The following CD86 variants were observed in gnomAD, a reference collection of about 807,000 sequenced individuals.
CD86 encodes the protein T-lymphocyte activation antigen CD86.
CD86 carries 11 observed loss-of-function variants against 32.1 expected under a neutral mutation model. The observed-to-expected ratio is 0.34, with a 90% CI of 0.22 to 0.57. The LOEUF is 0.57. Ranked by LOEUF, CD86 falls within the 20% of genes least tolerant of loss-of-function variation. The pLI is 0.86. For missense variants in CD86, 359 were observed against 398.4 expected (o/e 0.90, Z 0.84); for synonymous variants, 137 against 135.3 (o/e 1.01, Z -0.09).
At chr3:122,067,260 AAAGG>A (rs570258155) in intron 1 of CD86, among the ~76,000 whole-genome samples, 70 of 152,300 alleles carry the variant, frequency 4.6e-4, no homozygotes, top group Admixed American at 4.6e-4. Flanking sequence ...GCGGGTCTTT[AAAGG>A]AAGGAAGTTT....
intron 1 of CD86, among the ~76,000 whole-genome samples, chr3:122,056,496 G>A (rs774256043): frequency 2.6e-5 from 4 of 152,020 alleles, no homozygotes; most frequent in Non-Finnish European, 5.9e-5. Flanking sequence ...CACCACGCCC[G>A]GCTAATTTTT....
At chr3:122,072,982 C>T (rs1015011570) in intron 1 of CD86, among the ~76,000 whole-genome samples, 5 of 151,938 alleles carry the variant, frequency 3.3e-5, no homozygotes, top group Admixed American at 2.0e-4. Flanking sequence ...ATTTATTAAA[C>T]AGGGAATCCT....
chr3:122,073,157 T>C lies in CD86; in HGVS notation c.14+17654T>C, dbSNP rs370431473. On this transcript the variant is annotated intron_variant, in intron 1 of 6. Coordinates refer to ENST00000330540, the MANE Select transcript of CD86 (RefSeq NM_175862.5). ...GGATGTGGAGCAACAGGAAGCCTCA[T>C]TGCTCCACATCCTCAGCAGCATTTG... is the stretch of plus-strand genomic sequence containing the variant. Among the ~76,000 whole-genome samples the C allele has an allele frequency of 4.1e-5, 6 of 146,816 alleles. No individual in the cohort carries two copies. The East Asian group carries it at 1.0e-3, about 25-fold the overall frequency.
chr3:122,074,406 C>T (rs2072530047), intron 1 of CD86, among the ~76,000 whole-genome samples: 1 of 152,214 alleles, frequency 6.6e-6, no homozygotes, highest in African/African-American at 2.4e-5. Context: ...ATCTCTTCTG[C>T]TTTCCCCCTT....
chr3:122,074,412 C>T (rs571191413), intron 1 of CD86, among the ~76,000 whole-genome samples: 11 of 152,328 alleles, frequency 7.2e-5, no homozygotes, highest in Admixed American at 2.6e-4. Context: ...TCTGCTTTCC[C>T]CCTTGCATCA....
At chr3:122,119,310 C>T (rs1410363220) in intron 6 of CD86, 128 bp from the exon 7 acceptor site, 3 of 678,568 alleles carry the variant, frequency 4.4e-6, no homozygotes, top group Non-Finnish European at 8.0e-6. Flanking sequence ...CCACCTTTCT[C>T]TTCAATAGTT....
intron 3 of CD86, among the ~76,000 whole-genome samples, chr3:122,104,210 T>C (rs2073055821): frequency 6.6e-6 from 1 of 152,182 alleles, no homozygotes; most frequent in Non-Finnish European, 1.5e-5. Context: ...ATGTCTTACA[T>C]TCATTTTTTC....
intron 1 of CD86, among the ~76,000 whole-genome samples, chr3:122,065,989 ACCTC>A (rs2072407441): frequency 6.6e-6 from 1 of 152,020 alleles, no homozygotes; most frequent in Non-Finnish European, 1.5e-5. Context: ...TTTCCAGAAG[ACCTC>A]TCTGGCTTGT....
At chr3:122,104,369 GA>G (rs1363663188) in intron 3 of CD86, among the ~76,000 whole-genome samples, 2 of 152,002 alleles carry the variant, frequency 1.3e-5, no homozygotes, top group African/African-American at 4.8e-5. Flanking sequence ...AGACAGAAGG[GA>G]AAAAAACCCA....
intron 4 of CD86, among the ~76,000 whole-genome samples, chr3:122,108,932 C>T (rs942015457): frequency 3.3e-5 from 5 of 152,202 alleles, no homozygotes; most frequent in African/African-American, 9.6e-5. Context: ...AATGACTGCA[C>T]GTGCAGAGCC....
At chr3:122,078,627 T>C (rs948928081) in intron 1 of CD86, among the ~76,000 whole-genome samples, 10 of 152,152 alleles carry the variant, frequency 6.6e-5, no homozygotes, top group Admixed American at 3.3e-4. Flanking sequence ...TAAAAAGAAA[T>C]ATTCTTGGGT....
At chr3:122,098,914 A>G (rs952973351) in intron 2 of CD86, among the ~76,000 whole-genome samples, 1 of 152,152 alleles carries the variant, frequency 6.6e-6, no homozygotes, top group African/African-American at 2.4e-5. Flanking sequence ...CTTGAGATAG[A>G]GTAGAGGAAG....
intron 1 of CD86, among the ~76,000 whole-genome samples, chr3:122,072,676 A>C (rs1559899810): frequency 6.6e-6 from 1 of 152,014 alleles, no homozygotes; most frequent in Non-Finnish European, 1.5e-5. Context: ...CCCATTTTGT[A>C]GGTTGCCTGT....
intron 1 of CD86, among the ~76,000 whole-genome samples, chr3:122,073,650 TG>T (rs985056168): frequency 6.6e-6 from 1 of 152,060 alleles, no homozygotes; most frequent in African/African-American, 2.4e-5. Flanking sequence ...TGTCAAGTCC[TG>T]GGGGCTGTGG....
chr3:122,070,573 C>A (rs1163511329), intron 1 of CD86, among the ~76,000 whole-genome samples: 1 of 152,104 alleles, frequency 6.6e-6, no homozygotes, highest in Non-Finnish European at 1.5e-5. Context: ...CTCAAAGAAA[C>A]AAGAAACTCA....
intron 1 of CD86, among the ~76,000 whole-genome samples, chr3:122,073,395 T>C (rs2072516038): frequency 1.3e-5 from 2 of 152,012 alleles, no homozygotes; most frequent in South Asian, 4.1e-4. Flanking sequence ...GTTATAAGAG[T>C]TCATTGTGTA....
intron 1 of CD86, among the ~76,000 whole-genome samples, chr3:122,088,975 A>G (rs998275025): frequency 2.0e-5 from 3 of 152,256 alleles, no homozygotes; most frequent in Non-Finnish European, 2.9e-5. Context: ...GTATGTACAT[A>G]CAGTGGAATA....
intron 2 of CD86, among the ~76,000 whole-genome samples, chr3:122,100,983 G>A (rs182029723): frequency 1.4e-3 from 218 of 152,236 alleles, no homozygotes; most frequent in Non-Finnish European, 2.6e-3. Flanking sequence ...TCAGAGAAAG[G>A]ATTAGCAGCA....
At chr3:122,088,219 T>G (rs2072756821) in intron 1 of CD86, among the ~76,000 whole-genome samples, 1 of 146,006 alleles carries the variant, frequency 6.8e-6, no homozygotes, top group Non-Finnish European at 1.5e-5. Context: ...GCCAGCCTAA[T>G]GAGTAGGAAG....
Sources: gnomAD v4.1 joint callset for allele counts (sites outside exome capture counted in the v4.1 genomes callset) on GRCh38, gnomAD v4.1.1 for gene constraint, MANE v1.5 for transcripts, NCBI Gene and HGNC (gene_info 2026-07-23, HGNC 2026-07-21) for gene names.